The following MAML1 variants were observed in gnomAD, a reference collection of about 807,000 sequenced individuals.
MAML1 encodes mastermind like transcriptional coactivator 1.
A neutral mutation model predicts 77.1 loss-of-function variants in MAML1; 14 were observed. The observed-to-expected ratio is 0.18, with a 90% confidence interval of 0.12 to 0.28. MAML1 has a LOEUF of 0.28. Ranked by LOEUF, MAML1 falls within the 10% of genes least tolerant of loss-of-function variation. The probability of loss-of-function intolerance (pLI) is 1.00; values close to 1 mark genes in which losing one functional copy is unlikely to be tolerated. For synonymous variants in MAML1, 516 were observed against 551.9 expected, an observed-to-expected ratio of 0.93 and a Z score of 0.91; for missense variants, 1,217 against 1,327.8, an observed-to-expected ratio of 0.92 and a Z score of 1.30.
At chr5:179,752,514 A>C (rs998133083) in intron 1 of MAML1, among the ~76,000 whole-genome samples, 2 of 48,758 alleles carry the variant, frequency 4.1e-5, no homozygotes, top group African/African-American at 1.1e-4. Flanking sequence ...TTTTGCCCAC[A>C]CTTGTGGCTG....
chr5:179,765,903 T>G lies in MAML1; in HGVS notation c.893T>G (p.Ile298Ser), dbSNP rs776209806. 6.2e-7 allele frequency: 1 copy of G among 1,614,104 alleles called. No homozygotes were observed. The highest frequency in any genetic ancestry group is 1.1e-5 in the South Asian group (1 of 91,082). ...TQTPLAQDIN[I>S]KTEFSPAAFE... is the part of the protein sequence containing the mutation. ...ACCCCCTTGGCACAGGACATTAATA[T>G]TAAGACGGAATTCTCTCCAGCAGCC... is the stretch of plus-strand genomic sequence containing the variant. Residue 298 changes from isoleucine to serine, a missense_variant, in exon 2 of 5, where the codon ATT (isoleucine) becomes AGT (serine). Around this residue, in one of 3 missense-constraint regions of MAML1, gnomAD observed 884 missense variants for 949.3 expected, o/e 0.93. Transcript: ENST00000292599.
Position 179,733,280 on chromosome 5 carries a change from C to T in MAML1, c.168C>T (p.Thr56=), listed in dbSNP as rs1378515122. 1.0e-5 allele frequency: 15 copies of T among 1,458,400 alleles called. No homozygotes were observed. Among genetic ancestry groups the T allele is most frequent in the African/African-American group, 3.0e-5 (2 of 67,468 alleles). The allele number at this position is 1,458,400 out of a possible 1,614,324, so 90.3% of individuals were successfully genotyped here. A position where few individuals can be genotyped will look rare whatever the true frequency, so the allele number is the denominator to read the frequency against. Residue 56 remains threonine (T), a synonymous_variant, in exon 1 of 5, where the codon ACC becomes ACT. Transcript: ENST00000292599. ...PERLELERQH[T]FALHQRCIQA... The stretch of plus-strand genomic sequence containing the variant: ...GCCTGGAGCTGGAGCGCCAACACAC[C>T]TTCGCCCTGCACCAGCGCTGCATCC...
At chr5:179,753,017 C>T (rs1255807205) in intron 1 of MAML1, among the ~76,000 whole-genome samples, 1 of 152,210 alleles carries the variant, frequency 6.6e-6, no homozygotes, top group Non-Finnish European at 1.5e-5. Flanking sequence ...AGGTGATCCG[C>T]CCGTCTTGGC....
chr5:179,752,282 C>T (rs1433787445), intron 1 of MAML1, among the ~76,000 whole-genome samples: 13 of 134,530 alleles, frequency 9.7e-5, no homozygotes, highest in African/African-American at 3.4e-4. Context: ...GCCGAGATCG[C>T]ACCACTGCAC....
chr5:179,776,406 G>T lies in MAML1; in HGVS notation c.*1529G>T. 1.0e-6 allele frequency: 1 copy of T among 985,866 alleles called. No homozygotes were observed. The highest frequency in any genetic ancestry group is 4.7e-5 in the South Asian group (1 of 21,290). 61.1% of individuals were successfully genotyped at this position (985,866 alleles called of 1,614,324 possible). A position where few individuals can be genotyped will look rare whatever the true frequency, so the allele number is the denominator to read the frequency against. On this transcript the variant is annotated 3_prime_UTR_variant, in exon 5 of 5. Coordinates refer to ENST00000292599, the MANE Select transcript of MAML1 (RefSeq NM_014757.5). ...ACACATTGGTAGTTATTTTGCACCA[G>T]CAGTGCCTTTCTCACTGGGGGTACT... is the stretch of plus-strand genomic sequence containing the variant.
chr5:179,737,397 A>G (rs1581921638), intron 1 of MAML1, among the ~76,000 whole-genome samples: 1 of 152,158 alleles, frequency 6.6e-6, no homozygotes, highest in African/African-American at 2.4e-5. Flanking sequence ...TTCAGGGGGG[A>G]AGAGAGTCCT....
At chr5:179,759,121 G>T (rs1418627559) in intron 1 of MAML1, among the ~76,000 whole-genome samples, 1 of 152,130 alleles carries the variant, frequency 6.6e-6, no homozygotes, top group Non-Finnish European at 1.5e-5. Flanking sequence ...GCTCCTATTT[G>T]TACGGTTTGA....
chr5:179,760,094 T>C (rs561790382), intron 1 of MAML1, among the ~76,000 whole-genome samples: 32 of 147,704 alleles, frequency 2.2e-4, no homozygotes, highest in African/African-American at 8.6e-4. Flanking sequence ...GTCATCTGAG[T>C]CATCACTCAA....
intron 1 of MAML1, among the ~76,000 whole-genome samples, chr5:179,750,074 G>C (rs1379496462): frequency 6.6e-6 from 1 of 152,254 alleles, no homozygotes; most frequent in Non-Finnish European, 1.5e-5. Flanking sequence ...AGCAGGGGCA[G>C]TGCTGCCCTC....
Position 179,766,185 on chromosome 5 carries a change from A to G in MAML1, c.1175A>G (p.Glu392Gly). The G allele has an allele frequency of 6.2e-7, 1 of 1,604,752 alleles. No individual in the cohort carries two copies. Among genetic ancestry groups the G allele is most frequent in the East Asian group, 2.2e-5 (1 of 44,770 alleles). The change falls in exon 2 of 5, where the codon GAG becomes GGG. Residue 392 changes from glutamate (E) to glycine (G), a missense_variant. Transcript: ENST00000292599. This position sits in a 1 kb window ranked among gnomAD's most constrained non-coding sequence, Gnocchi z 4.0. The part of the protein sequence containing the change: ...LPSQGPGGAS[E>G]LSSAHQLQQI... ...AGTCAGGGCCCAGGAGGGGCCTCAG[A>G]GCTGTCCTCTGCCCACCAGCTCCAG... is the stretch of plus-strand genomic sequence containing the variant.
intron 1 of MAML1, among the ~76,000 whole-genome samples, chr5:179,742,057 G>A (rs1779293755): frequency 6.6e-6 from 1 of 151,696 alleles, no homozygotes; most frequent in Non-Finnish European, 1.5e-5. Flanking sequence ...ATTTTTAGTA[G>A]AGACGGGGTT....
At position 179,774,979 on chromosome 5, in the gene MAML1, G is replaced by A; in HGVS notation, c.*102G>A. On this transcript the variant is annotated 3_prime_UTR_variant, in exon 5 of 5. Transcript: ENST00000292599. Reference sequence around the variant, plus strand: ...TTGGACCAAAAGCCCATGGCCTGGGGAGCTGGGCAGGTAGAGCCCAAGCTC... The same window carrying A: ...TTGGACCAAAAGCCCATGGCCTGGGAAGCTGGGCAGGTAGAGCCCAAGCTC... 2 of 1,497,524 alleles carry A rather than the reference G, an allele frequency of 1.3e-6. No homozygotes were observed. The highest frequency in any genetic ancestry group is 1.8e-6 in the Non-Finnish European group (2 of 1,132,076). 92.8% of individuals were successfully genotyped at this position (1,497,524 alleles called of 1,614,324 possible).
chr5:179,739,196 AAAAT>A, intron 1 of MAML1, among the ~76,000 whole-genome samples: 1 of 152,320 alleles, frequency 6.6e-6, no homozygotes, highest in East Asian at 1.9e-4. Flanking sequence ...AAAAAGTAAA[AAAAT>A]AACAGTACAA....
In MAML1 at chr5:179,765,706, C is replaced by T. The variant is rs752185395; in HGVS notation, c.696C>T (p.Val232=). The T allele has an allele frequency of 1.7e-5, 28 of 1,613,802 alleles. No homozygotes were observed. The highest frequency in any genetic ancestry group is 3.3e-5 in the Admixed American group (2 of 59,980). The change falls in exon 2 of 5, where the codon GTC becomes GTT. Residue 232 remains valine (V), a synonymous_variant. Transcript: ENST00000292599. The stretch of plus-strand genomic sequence containing the variant: ...TGCCTTGCATGATCACTGGGACTGT[C>T]GGCTCCATATCGCAAAGCAACCTCA... ...EDLPCMITGT[V]GSISQSNLMP...
chr5:179,747,166 T>C (rs1290855052), intron 1 of MAML1, among the ~76,000 whole-genome samples: 1 of 152,216 alleles, frequency 6.6e-6, no homozygotes, highest in African/African-American at 2.4e-5. Flanking sequence ...TTTCACACTT[T>C]TAATTAGTGT....
Position 179,775,999 on chromosome 5 carries a change from T to G in MAML1, c.*1122T>G. On this transcript the variant is annotated 3_prime_UTR_variant, in exon 5 of 5. Transcript: ENST00000292599. The stretch of plus-strand genomic sequence containing the variant: ...TTCTGCCACTCCCATGTCAGATGAC[T>G]TGCACTTCTTAAAGAGATTGCTTTA... The G allele has an allele frequency of 1.0e-6, 1 of 985,798 alleles. No homozygotes were observed. Among genetic ancestry groups the G allele is most frequent in the Non-Finnish European group, 1.2e-6 (1 of 829,928 alleles). 61.1% of individuals were successfully genotyped at this position (985,798 alleles called of 1,614,324 possible).
At position 179,765,536 on chromosome 5, in the gene MAML1, A is replaced by C. The variant is rs1415256971; in HGVS notation, c.526A>C (p.Ser176Arg). 6.2e-7 allele frequency: 1 copy of C among 1,613,918 alleles called. No homozygotes were observed. The highest frequency in any genetic ancestry group is 8.5e-7 in the Non-Finnish European group (1 of 1,179,968). ...KPSGADALQS[S>R]GKHSLGLDSL... The stretch of plus-strand genomic sequence containing the variant: ...TTCTGGAGCCGACGCCCTGCAGTCC[A>C]GTGGGAAGCACTCTCTGGGGCTAGA... The change falls in exon 2 of 5, where the codon AGT becomes CGT. Residue 176 changes from serine (S) to arginine (R), a missense_variant. Around this residue, in one of 3 missense-constraint regions of MAML1, gnomAD observed 312 missense variants for 331.4 expected, o/e 0.94. Transcript: ENST00000292599.
At chr5:179,748,604 AAAC>A (rs1415367015) in intron 1 of MAML1, among the ~76,000 whole-genome samples, 1 of 152,244 alleles carries the variant, frequency 6.6e-6, no homozygotes, top group Non-Finnish European at 1.5e-5. Flanking sequence ...GGAAGAGAGA[AAAC>A]AAGGTGGGAA....
Position 179,776,247 on chromosome 5 carries a change from A to T in MAML1, c.*1370A>T. The T allele has an allele frequency of 1.0e-6, 1 of 985,914 alleles. No homozygotes were observed. 61.1% of individuals were successfully genotyped at this position (985,914 alleles called of 1,614,324 possible). On this transcript the variant is annotated 3_prime_UTR_variant, in exon 5 of 5. Coordinates refer to ENST00000292599, the MANE Select transcript of MAML1 (RefSeq NM_014757.5). Reference sequence around the variant, plus strand: ...GGCTCAGATGCAGAGTGTTCTGTGGAGAAACTGCAGCCCCACTTCTGTTTC... The same window carrying T: ...GGCTCAGATGCAGAGTGTTCTGTGGTGAAACTGCAGCCCCACTTCTGTTTC...
Sources: allele counts gnomAD v4.1 joint callset (sites outside exome capture counted in the v4.1 genomes callset), GRCh38; gene constraint gnomAD v4.1.1; regional missense constraint gnomAD v4.1.1; non-coding constraint Gnocchi (gnomAD v3.1); transcripts MANE v1.5; gene names NCBI Gene and HGNC (gene_info 2026-07-23, HGNC 2026-07-21).